Variants in KLHL14 observed in about 807,000 individuals in gnomAD.
KLHL14 encodes the protein kelch like family member 14.
In KLHL14, 22 loss-of-function variants were observed where a neutral mutation model predicts 64.3. The ratio of observed to expected loss-of-function variants is 0.34; its 90% CI spans 0.24 to 0.49. The LOEUF is 0.49. KLHL14 is among the 20% of genes least tolerant of loss of function. The pLI is 0.99. For missense variants in KLHL14, 661 were observed against 789.0 expected (o/e 0.84, Z 1.94); for synonymous variants, 322 against 333.4 (o/e 0.97, Z 0.37).
chr18:32,709,255 C>T (rs1171097005), intron 3 of KLHL14, among the ~76,000 whole-genome samples: 2 of 152,094 alleles, frequency 1.3e-5, no homozygotes, highest in Admixed American at 1.3e-4. Flanking sequence ...CTGTGTCAGG[C>T]CTTTGCATCT....
chr18:32,675,603 A>G (rs1290059819), intron 8 of KLHL14, among the ~76,000 whole-genome samples: 1 of 152,200 alleles, frequency 6.6e-6, no homozygotes, highest in Admixed American at 6.5e-5. Flanking sequence ...TATTTTCAAG[A>G]GGCCACATGA....
intron 2 of KLHL14, among the ~76,000 whole-genome samples, chr18:32,753,167 T>C (rs1344372878): frequency 1.3e-5 from 2 of 152,178 alleles, no homozygotes; most frequent in East Asian, 3.8e-4. Flanking sequence ...AAATGATTTC[T>C]TGTGTACCAT....
chr18:32,737,296 G>A (rs1245352237), intron 3 of KLHL14: 1 of 152,052 alleles, frequency 6.6e-6, no homozygotes, highest in Admixed American at 6.6e-5. Context: ...AACAAATAAT[G>A]ATAAATGATT....
intron 7 of KLHL14, among the ~76,000 whole-genome samples, chr18:32,678,424 A>C (rs1342907768): frequency 6.6e-6 from 1 of 152,178 alleles, no homozygotes; most frequent in Non-Finnish European, 1.5e-5. Flanking sequence ...TATTTCGGTT[A>C]CTAACTTCCT....
At chr18:32,690,368 G>A (rs2049901397) in intron 4 of KLHL14, among the ~76,000 whole-genome samples, 1 of 152,172 alleles carries the variant, frequency 6.6e-6, no homozygotes, top group Non-Finnish European at 1.5e-5. Context: ...TATAAAGTAT[G>A]TGGGGGAAGG....
At chr18:32,730,938 A>T (rs1393015304) in intron 3 of KLHL14, among the ~76,000 whole-genome samples, 1 of 152,210 alleles carries the variant, frequency 6.6e-6, no homozygotes, top group African/African-American at 2.4e-5. Flanking sequence ...CTTGACAACC[A>T]GACACAGAGG....
chr18:32,696,718 C>T (rs529403716), intron 3 of KLHL14, among the ~76,000 whole-genome samples: 7 of 152,300 alleles, frequency 4.6e-5, no homozygotes, highest in East Asian at 1.9e-4. Flanking sequence ...ACCTATCTCA[C>T]GCCTGACTTA....
At chr18:32,720,535 C>G (rs1480483110) in intron 3 of KLHL14, among the ~76,000 whole-genome samples, 2 of 152,156 alleles carry the variant, frequency 1.3e-5, no homozygotes, top group Non-Finnish European at 2.9e-5. Context: ...ATACAGTAGT[C>G]TGCCTCAAGA....
intron 3 of KLHL14, among the ~76,000 whole-genome samples, chr18:32,711,013 G>A (rs2050016557): frequency 6.6e-6 from 1 of 152,108 alleles, no homozygotes; most frequent in Non-Finnish European, 1.5e-5. Flanking sequence ...TTTAAGAAGG[G>A]GAGTAAAGCC....
At chr18:32,712,214 G>C (rs1190489722) in intron 3 of KLHL14, among the ~76,000 whole-genome samples, 1 of 152,104 alleles carries the variant, frequency 6.6e-6, no homozygotes, top group Non-Finnish European at 1.5e-5. Flanking sequence ...TACAGAAAAA[G>C]TTTGCCCACC....
chr18:32,706,671 CAT>C (rs1310086912), intron 3 of KLHL14, among the ~76,000 whole-genome samples: 1 of 152,012 alleles, frequency 6.6e-6, no homozygotes, highest in Non-Finnish European at 1.5e-5. Flanking sequence ...TGTACACACA[CAT>C]GTATTCAGTC....
At chr18:32,725,385 A>AT (rs1286390558) in intron 3 of KLHL14, among the ~76,000 whole-genome samples, 1 of 152,178 alleles carries the variant, frequency 6.6e-6, no homozygotes, top group African/African-American at 2.4e-5. Context: ...AAATAGGCTC[A>AT]TTTTATGTAA....
intron 2 of KLHL14, among the ~76,000 whole-genome samples, chr18:32,764,841 GA>G (rs2050332045): frequency 6.6e-6 from 1 of 151,840 alleles, no homozygotes; most frequent in Admixed American, 6.6e-5. Flanking sequence ...GCTTTTTATA[GA>G]AAAAAATTGC....
intron 3 of KLHL14, among the ~76,000 whole-genome samples, chr18:32,725,374 C>G (rs1216144212): frequency 6.6e-6 from 1 of 152,094 alleles, no homozygotes; most frequent in East Asian, 1.9e-4. Flanking sequence ...ATGGAGTAAT[C>G]AAATAGGCTC....
chr18:32,733,926 A>G (rs1241608998), intron 3 of KLHL14: 39 of 523,980 alleles, frequency 7.4e-5, no homozygotes, highest in African/African-American at 1.9e-5. Context: ...ACGGTGCATT[A>G]TGTGTGAGGG....
chr18:32,759,323 C>T (rs1280312430), intron 2 of KLHL14, among the ~76,000 whole-genome samples: 1 of 152,182 alleles, frequency 6.6e-6, no homozygotes, highest in East Asian at 1.9e-4. Flanking sequence ...AGTGTCAATA[C>T]TCACGTTGTG....
At chr18:32,734,597 A>C (rs1371330094) in intron 3 of KLHL14, among the ~76,000 whole-genome samples, 1 of 152,226 alleles carries the variant, frequency 6.6e-6, no homozygotes, top group East Asian at 1.9e-4. Context: ...GCAGAAGATA[A>C]GATTCAATAT....
chr18:32,746,855 G>C (rs2050226303), intron 2 of KLHL14, among the ~76,000 whole-genome samples: 1 of 152,164 alleles, frequency 6.6e-6, no homozygotes, highest in Admixed American at 6.5e-5. Context: ...GAAGGCATTA[G>C]AAATTTTGGA....
At chr18:32,743,294 G>C (rs1166008102) in intron 2 of KLHL14, 1 of 152,188 alleles carries the variant, frequency 6.6e-6, no homozygotes, top group Non-Finnish European at 1.5e-5. Flanking sequence ...TATTCAGCTC[G>C]TTCTGATTCA....
Sources: gnomAD v4.1 joint callset for allele counts (sites outside exome capture counted in the v4.1 genomes callset) on GRCh38, gnomAD v4.1.1 for gene constraint, MANE v1.5 for transcripts, NCBI Gene and HGNC (gene_info 2026-07-23, HGNC 2026-07-21) for gene names.